The following CACNG2 variants were observed in gnomAD, a reference collection of about 807,000 sequenced individuals.
CACNG2 encodes calcium voltage-gated channel auxiliary subunit gamma 2, also known as voltage-dependent calcium channel gamma-2 subunit.
A neutral mutation model predicts 25.9 loss-of-function variants in CACNG2; 3 were observed. The ratio of observed to expected loss-of-function variants is 0.12; its 90% CI spans 0.05 to 0.30. The LOEUF (loss-of-function observed/expected upper bound fraction) is 0.30. Among genes scored for constraint, CACNG2 ranks in the 10% least tolerant of loss-of-function variants. The pLI is 1.00. For synonymous variants in CACNG2, 167 were observed against 173.3 expected (o/e 0.96, Z 0.29); for missense variants, 341 against 432.5 (o/e 0.79, Z 1.88).
chr22:36,680,302 G>A (rs996782374), intron 1 of CACNG2, among the ~76,000 whole-genome samples: 10 of 131,556 alleles, frequency 7.6e-5, no homozygotes, highest in East Asian at 4.6e-4. Flanking sequence ...CATGATCACT[G>A]CCACCTGCAT....
intron 1 of CACNG2, among the ~76,000 whole-genome samples, chr22:36,620,525 A>T (rs1936090508): frequency 6.6e-6 from 1 of 152,190 alleles, no homozygotes; most frequent in Non-Finnish European, 1.5e-5. Context: ...TTGTTTTGGG[A>T]TATGGTGGAG....
intron 1 of CACNG2, among the ~76,000 whole-genome samples, chr22:36,630,801 C>T (rs900105924): frequency 9.2e-5 from 14 of 152,092 alleles, no homozygotes; most frequent in South Asian, 6.2e-4. Flanking sequence ...CTGAGTAAGG[C>T]GGGATGGAGA....
intron 1 of CACNG2, among the ~76,000 whole-genome samples, chr22:36,588,472 A>ATCGG (rs1935539097): frequency 6.6e-6 from 1 of 152,218 alleles, no homozygotes; most frequent in Non-Finnish European, 1.5e-5. Flanking sequence ...TCACCAGAGC[A>ATCGG]TCGGCTTCCT....
intron 1 of CACNG2, among the ~76,000 whole-genome samples, chr22:36,649,709 C>G (rs1936578771): frequency 6.6e-6 from 1 of 152,342 alleles, no homozygotes; most frequent in Non-Finnish European, 1.5e-5. Context: ...AACTGAATCA[C>G]AGGGTGGGTT....
chr22:36,654,765 A>G (rs1331534585), intron 1 of CACNG2, among the ~76,000 whole-genome samples: 1 of 152,220 alleles, frequency 6.6e-6, no homozygotes, highest in African/African-American at 2.4e-5. Flanking sequence ...CAAGAGTTTC[A>G]TGAGGATCTT....
At chr22:36,595,902 G>A (rs1028607986) in intron 1 of CACNG2, among the ~76,000 whole-genome samples, 3 of 152,242 alleles carry the variant, frequency 2.0e-5, no homozygotes, top group Admixed American at 6.5e-5. Flanking sequence ...CTGGCTCAAG[G>A]AGTTTACCAT....
rs189401857 is a variant in CACNG2 at position 36,614,507 on chromosome 22, C to T, written c.212-26959G>A. 1.1e-4 allele frequency among the ~76,000 whole-genome samples: 16 copies of T among 152,308 alleles called. No individual in the cohort carries two copies. The East Asian group carries it at 2.9e-3, about 28-fold the overall frequency. On this transcript the variant is annotated intron_variant, in intron 1 of 3. Transcript: ENST00000300105. ...AAAGGCCTGTGGCCTGCTTCCTTGC[C>T]TGTCTCCTCCACTGGTGTGAAAGCC...
chr22:36,626,894 G>T (rs776789355), intron 1 of CACNG2, among the ~76,000 whole-genome samples: 3 of 152,196 alleles, frequency 2.0e-5, no homozygotes, highest in Non-Finnish European at 4.4e-5. Flanking sequence ...GCATTTATTC[G>T]GTGCAAGCCG....
intron 1 of CACNG2, among the ~76,000 whole-genome samples, chr22:36,683,675 G>A (rs887589050): frequency 6.6e-6 from 1 of 152,044 alleles, no homozygotes; most frequent in Non-Finnish European, 1.5e-5. Flanking sequence ...TGCTTGGAAG[G>A]CTCTAGGGTG....
chr22:36,651,249 G>C (rs1298205830), intron 1 of CACNG2, among the ~76,000 whole-genome samples: 1 of 9,390 alleles, frequency 1.1e-4, no homozygotes, highest in Non-Finnish European at 2.6e-4. Context: ...TTTTTTTTTT[G>C]ACAGAGTCTT....
intron 1 of CACNG2, among the ~76,000 whole-genome samples, chr22:36,690,282 C>T (rs545334744): frequency 9.2e-5 from 14 of 152,274 alleles, no homozygotes; most frequent in African/African-American, 2.2e-4. Context: ...ACCTGCCGCA[C>T]GGAAGAGACA....
intron 1 of CACNG2, among the ~76,000 whole-genome samples, chr22:36,591,320 C>T (rs1205564889): frequency 2.0e-5 from 3 of 152,066 alleles, no homozygotes; most frequent in Admixed American, 6.6e-5. Context: ...TGAGCCACCG[C>T]GCCCGGCCTA....
intron 1 of CACNG2, among the ~76,000 whole-genome samples, chr22:36,679,922 GC>G (rs946891093): frequency 2.0e-4 from 31 of 151,912 alleles, no homozygotes; most frequent in African/African-American, 7.0e-4. Flanking sequence ...ATCATCACAA[GC>G]ACCATCTCTG....
chr22:36,665,289 T>C (rs576943345), intron 1 of CACNG2, among the ~76,000 whole-genome samples: 7 of 152,318 alleles, frequency 4.6e-5, no homozygotes, highest in Non-Finnish European at 8.8e-5. Context: ...CCTTCCTATG[T>C]TGTGTGACCC....
At position 36,564,203 on chromosome 22, in the gene CACNG2, G is replaced by T. The variant is rs1935081683; in HGVS notation, c.*148C>A. On this transcript the variant is annotated 3_prime_UTR_variant, in exon 4 of 4. Transcript: ENST00000300105. The surrounding 1 kb of genome is among the most constrained non-coding windows in gnomAD (Gnocchi z 6.7). ...TTTTTCTCTTTTTTTGTGTGTGTGT[G>T]TTTTTTTGTTTTTTGTTTTTTTGTT... 6.3e-6 allele frequency: 4 copies of T among 632,476 alleles called. No homozygotes were observed. Among genetic ancestry groups the T allele is most frequent in the Non-Finnish European group, 1.0e-5 (4 of 390,168 alleles). The allele number at this position is 632,476 out of a possible 1,614,324, so 39.2% of individuals were successfully genotyped here.
At chr22:36,679,609 G>A (rs1937070531) in intron 1 of CACNG2, among the ~76,000 whole-genome samples, 1 of 152,146 alleles carries the variant, frequency 6.6e-6, no homozygotes, top group Non-Finnish European at 1.5e-5. Context: ...AATAGACTTG[G>A]AGGCGATTGG....
chr22:36,667,869 T>C (rs41304665), intron 1 of CACNG2, among the ~76,000 whole-genome samples: 9 of 152,296 alleles, frequency 5.9e-5, no homozygotes, highest in Non-Finnish European at 1.2e-4. Context: ...GTTTTTCGCT[T>C]TGCCAGACTC....
At chr22:36,591,624 G>A (rs1018223466) in intron 1 of CACNG2, among the ~76,000 whole-genome samples, 12 of 152,130 alleles carry the variant, frequency 7.9e-5, no homozygotes, top group Non-Finnish European at 1.8e-4. Context: ...AGTGAGCTAG[G>A]ATAGCACCAC....
At chr22:36,646,203 G>T (rs1333494140) in intron 1 of CACNG2, among the ~76,000 whole-genome samples, 2 of 152,162 alleles carry the variant, frequency 1.3e-5, no homozygotes, top group Non-Finnish European at 2.9e-5. Flanking sequence ...ATTTTATGGA[G>T]AAATAACTAT....
Sources: gnomAD v4.1 joint callset for allele counts (sites outside exome capture counted in the v4.1 genomes callset) on GRCh38, gnomAD v4.1.1 for gene constraint, Gnocchi (gnomAD v3.1) non-coding constraint, MANE v1.5 for transcripts, NCBI Gene and HGNC (gene_info 2026-07-23, HGNC 2026-07-21) for gene names.